KDM2B: variants seen among roughly 807,000 people sequenced by gnomAD.
KDM2B encodes the protein lysine demethylase 2B.
A neutral mutation model predicts 150.0 loss-of-function variants in KDM2B; 26 were observed. The ratio of observed to expected loss-of-function variants is 0.17; its 90% CI spans 0.13 to 0.24. The LOEUF (loss-of-function observed/expected upper bound fraction) is 0.24. KDM2B is among the 10% of genes least tolerant of loss of function. The pLI is 1.00. For synonymous variants in KDM2B, 734 were observed against 729.5 expected (o/e 1.01, Z -0.10); for missense variants, 1,265 against 1,816.9 (o/e 0.70, Z 5.52).
intron 6 of KDM2B, chr12:121,536,236 G>C (rs1184981837): frequency 1.1e-5 from 3 of 271,046 alleles, no homozygotes; most frequent in African/African-American, 6.9e-5. Flanking sequence ...TCAGCAGTAT[G>C]CAGGCGGCGT....
chr12:121,511,314 T>TGGC (rs1397765441), intron 10 of KDM2B, among the ~76,000 whole-genome samples: 2 of 133,782 alleles, frequency 1.5e-5, no homozygotes, highest in African/African-American at 6.0e-5. Context: ...TGAGACAGAG[T>TGGC]CTCACTTTGT....
At chr12:121,545,366 G>A (rs1888949758) in intron 6 of KDM2B, among the ~76,000 whole-genome samples, 1 of 151,322 alleles carries the variant, frequency 6.6e-6, no homozygotes. Flanking sequence ...GGCAGTGTGT[G>A]CACAGTGACA....
chr12:121,532,386 T>C (rs1366906421), intron 8 of KDM2B, among the ~76,000 whole-genome samples: 2 of 152,132 alleles, frequency 1.3e-5, no homozygotes, highest in African/African-American at 4.8e-5. Flanking sequence ...ATCTTAATCC[T>C]ATTTTACAGA....
intron 8 of KDM2B, among the ~76,000 whole-genome samples, chr12:121,530,999 G>A (rs180670821): frequency 2.0e-5 from 3 of 152,236 alleles, no homozygotes; most frequent in Non-Finnish European, 4.4e-5. Context: ...ACGTCACAGA[G>A]TCAGCAGCAA....
At chr12:121,576,739 A>G (rs1417776204) in intron 2 of KDM2B, among the ~76,000 whole-genome samples, 1 of 152,204 alleles carries the variant, frequency 6.6e-6, no homozygotes, top group African/African-American at 2.4e-5. Context: ...ATGGGTCTTG[A>G]GATAAATTCT....
chr12:121,466,165 T>G (rs1373926479), intron 12 of KDM2B, among the ~76,000 whole-genome samples: 1 of 151,538 alleles, frequency 6.6e-6, no homozygotes. Flanking sequence ...ACATTTTGGC[T>G]GGGTCATTCC....
chr12:121,568,871 A>T (rs1312604636), intron 4 of KDM2B, among the ~76,000 whole-genome samples: 1 of 150,024 alleles, frequency 6.7e-6, no homozygotes, highest in African/African-American at 2.5e-5. Context: ...TTTGTTAAAA[A>T]AAAAAAAAAA....
At chr12:121,573,736 C>T (rs1267516182) in intron 4 of KDM2B, among the ~76,000 whole-genome samples, 2 of 152,080 alleles carry the variant, frequency 1.3e-5, no homozygotes, top group Non-Finnish European at 2.9e-5. Flanking sequence ...CACAGGCGCC[C>T]GCCACCACGC....
Position 121,509,093 on chromosome 12 carries a change from C to G in KDM2B, c.1647+474G>C, listed in dbSNP as rs144808051. ...TGTTTTTTTGAGACAGAGTCTTGCT[C>G]TGTTGCCCAGGCTGGAGTGCAGTGG... On this transcript the variant is annotated intron_variant, in intron 11 of 22. Transcript: ENST00000377071. Among the ~76,000 whole-genome samples, 3 of 152,268 alleles carry G rather than the reference C, an allele frequency of 2.0e-5. No individual in the cohort carries two copies. In the South Asian group the frequency reaches 6.2e-4, roughly 32 times the overall value.
At chr12:121,434,024 A>G (rs1235608015) in intron 22 of KDM2B, among the ~76,000 whole-genome samples, 1 of 151,674 alleles carries the variant, frequency 6.6e-6, no homozygotes, top group East Asian at 1.9e-4. Context: ...ATAAAAAAAC[A>G]AAAAACACCA....
At chr12:121,501,603 TA>T (rs1283592813) in intron 11 of KDM2B, among the ~76,000 whole-genome samples, 2 of 151,938 alleles carry the variant, frequency 1.3e-5, no homozygotes, top group African/African-American at 4.8e-5. Flanking sequence ...ACATACTTGG[TA>T]TTTTTTGTTG....
At chr12:121,558,904 A>G (rs890118930) in intron 4 of KDM2B, among the ~76,000 whole-genome samples, 13 of 152,142 alleles carry the variant, frequency 8.5e-5, no homozygotes, top group African/African-American at 3.1e-4. Context: ...TTTTCTGAGG[A>G]ATAACCATGC....
At chr12:121,581,671 G>T (rs1463888925), upstream of KDM2B, among the ~76,000 whole-genome samples, 15 of 152,228 alleles carry the variant, frequency 9.9e-5, no homozygotes, top group African/African-American at 3.4e-4. Context: ...TTTTATTTCT[G>T]CCATAACCCT....
At chr12:121,484,941 G>A (rs1422939683) in intron 12 of KDM2B, among the ~76,000 whole-genome samples, 2 of 152,112 alleles carry the variant, frequency 1.3e-5, no homozygotes, top group Admixed American at 6.6e-5. Flanking sequence ...GTTGAAATCC[G>A]AGCCCCTAGC....
intron 6 of KDM2B, among the ~76,000 whole-genome samples, chr12:121,539,726 T>G (rs1555309432): frequency 6.6e-6 from 1 of 151,608 alleles, no homozygotes; most frequent in Non-Finnish European, 1.5e-5. Flanking sequence ...GCCCCTAATG[T>G]GTTTGTTTGT....
At chr12:121,444,627 G>T in intron 14 of KDM2B, 91 bp from the exon 15 acceptor site, 1 of 1,034,162 alleles carries the variant, frequency 9.7e-7, no homozygotes. Context: ...TCCAGAAGCA[G>T]CAGCACCCCC....
intron 12 of KDM2B, among the ~76,000 whole-genome samples, chr12:121,475,342 A>G (rs1410727655): frequency 6.6e-6 from 1 of 152,136 alleles, no homozygotes; most frequent in East Asian, 1.9e-4. Context: ...TAATGCCAAC[A>G]CTTTGGGAGG....
At chr12:121,482,836 G>A (rs1882305491) in intron 12 of KDM2B, among the ~76,000 whole-genome samples, 1 of 152,134 alleles carries the variant, frequency 6.6e-6, no homozygotes, top group African/African-American at 2.4e-5. Flanking sequence ...CAATCTGGGA[G>A]CAGTTTGCGT....
chr12:121,539,473 GC>G (rs1555309374), intron 6 of KDM2B, among the ~76,000 whole-genome samples: 1 of 151,982 alleles, frequency 6.6e-6, no homozygotes, highest in Non-Finnish European at 1.5e-5. Flanking sequence ...CTCCTTGAAG[GC>G]AGGGACTATA....
Sources: gnomAD v4.1 joint callset for allele counts (sites outside exome capture counted in the v4.1 genomes callset) on GRCh38, gnomAD v4.1.1 for gene constraint, MANE v1.5 for transcripts, NCBI Gene and HGNC (gene_info 2026-07-23, HGNC 2026-07-21) for gene names.